The following CTNNA3 variants were observed in gnomAD, a reference collection of about 807,000 sequenced individuals.
CTNNA3 encodes the protein catenin alpha 3.
A neutral mutation model predicts 95.7 loss-of-function variants in CTNNA3; 76 were observed. That is an observed-to-expected ratio of 0.79 (90% CI 0.66 to 0.96). The LOEUF is 0.96. Ranked by LOEUF, CTNNA3 falls within the 40% of genes least tolerant of loss-of-function variation. The pLI, the probability that CTNNA3 is intolerant of heterozygous loss-of-function variation, is 0.00. For missense variants in CTNNA3, 1,191 were observed against 1,089.8 expected, an observed-to-expected ratio of 1.09 and a Z score of -1.31; for synonymous variants, 431 against 374.4, an observed-to-expected ratio of 1.15 and a Z score of -1.74.
At chr10:66,566,907 G>C (rs1364189237) in intron 10 of CTNNA3, among the ~76,000 whole-genome samples, 2 of 150,824 alleles carry the variant, frequency 1.3e-5, no homozygotes, top group Non-Finnish European at 3.0e-5. Flanking sequence ...ACAAAGAGAG[G>C]GAGAGAAAAA....
At chr10:66,614,434 A>T (rs1475083777) in intron 10 of CTNNA3, among the ~76,000 whole-genome samples, 1 of 152,006 alleles carries the variant, frequency 6.6e-6, no homozygotes, top group Non-Finnish European at 1.5e-5. Flanking sequence ...ATCCTCATGG[A>T]GTTTATGGCT....
chr10:66,158,914 G>A (rs1447838687), intron 13 of CTNNA3, among the ~76,000 whole-genome samples: 6 of 150,828 alleles, frequency 4.0e-5, no homozygotes, highest in Non-Finnish European at 7.4e-5. Flanking sequence ...TTATTTTTTT[G>A]CAGCTACTGT....
At chr10:66,924,662 T>A (rs1167635666) in intron 7 of CTNNA3, among the ~76,000 whole-genome samples, 2 of 152,226 alleles carry the variant, frequency 1.3e-5, no homozygotes, top group Non-Finnish European at 2.9e-5. Flanking sequence ...AAGGTCAGTA[T>A]AGTCAATATT....
chr10:67,366,904 TTTG>T (rs1007331658), intron 5 of CTNNA3, among the ~76,000 whole-genome samples: 10 of 152,020 alleles, frequency 6.6e-5, no homozygotes, highest in Non-Finnish European at 1.5e-4. Context: ...GAGAAATAAA[TTTG>T]TTGTTTAGGT....
At chr10:66,616,781 A>G (rs1051512476) in intron 10 of CTNNA3, among the ~76,000 whole-genome samples, 3 of 152,042 alleles carry the variant, frequency 2.0e-5, no homozygotes, top group African/African-American at 7.2e-5. Flanking sequence ...AAATCAATCT[A>G]GCCTATGAAT....
At position 66,287,778 on chromosome 10, in the gene CTNNA3, A is replaced by T. The variant is rs1294282096; in HGVS notation, c.1733-7157T>A. Among the ~76,000 whole-genome samples, 5 of 152,096 alleles carry T rather than the reference A, an allele frequency of 3.3e-5. No homozygotes were observed. The East Asian group carries it at 9.6e-4, about 29-fold the overall frequency. On this transcript the variant is annotated intron_variant, in intron 12 of 17. Transcript: ENST00000433211. ...AGTGAATGATGGCATTATTTCAGAC[A>T]TTCAAGTACACAGAATATTTAATTT...
At chr10:66,444,468 T>C (rs12763141) in intron 11 of CTNNA3, among the ~76,000 whole-genome samples, 30,881 of 152,082 alleles carry the variant, frequency 0.2, 3,483 homozygotes, top group South Asian at 0.3. Context: ...AGACTAACAG[T>C]AGATCTCTTG....
intron 11 of CTNNA3, among the ~76,000 whole-genome samples, chr10:66,396,052 C>T (rs187011271): frequency 1.7e-4 from 26 of 152,016 alleles, no homozygotes; most frequent in African/African-American, 6.3e-4. Flanking sequence ...TTTTCTGTTT[C>T]TCAGTTATTT....
At chr10:67,390,584 C>T (rs1844424481) in intron 5 of CTNNA3, among the ~76,000 whole-genome samples, 1 of 151,248 alleles carries the variant, frequency 6.6e-6, no homozygotes, top group African/African-American at 2.4e-5. Flanking sequence ...ATACCAAAGC[C>T]TGGCAGAGAC....
chr10:66,312,331 A>G (rs1381794307), intron 12 of CTNNA3, among the ~76,000 whole-genome samples: 1 of 152,160 alleles, frequency 6.6e-6, no homozygotes, highest in Non-Finnish European at 1.5e-5. Context: ...TATCAAGTAC[A>G]TGCCTAACTT....
intron 11 of CTNNA3, among the ~76,000 whole-genome samples, chr10:66,478,205 TA>T (rs1839393315): frequency 6.6e-6 from 1 of 152,072 alleles, no homozygotes; most frequent in South Asian, 2.1e-4. Flanking sequence ...AGATGCAGGC[TA>T]AGAATGATCT....
intron 9 of CTNNA3, among the ~76,000 whole-genome samples, chr10:66,676,525 T>G (rs1468479257): frequency 4.6e-5 from 7 of 152,108 alleles, no homozygotes; most frequent in Non-Finnish European, 1.5e-5. Flanking sequence ...TACTTTCATT[T>G]GTGACTGCAG....
chr10:66,593,865 C>G (rs186356186), intron 10 of CTNNA3, among the ~76,000 whole-genome samples: 1 of 152,182 alleles, frequency 6.6e-6, no homozygotes, highest in African/African-American at 2.4e-5. Flanking sequence ...TACTCCTTCC[C>G]TGATAGCTGA....
chr10:66,108,684 T>C (rs771135282), intron 13 of CTNNA3, among the ~76,000 whole-genome samples: 10 of 152,176 alleles, frequency 6.6e-5, no homozygotes, highest in Non-Finnish European at 1.2e-4. Flanking sequence ...ATAGGGATGT[T>C]GTTTGTCTTG....
intron 3 of CTNNA3, among the ~76,000 whole-genome samples, chr10:67,572,718 T>C (rs1402138105): frequency 2.0e-5 from 3 of 152,180 alleles, no homozygotes; most frequent in Non-Finnish European, 4.4e-5. Flanking sequence ...GTTACCTAAG[T>C]GCTAAACAAC....
At chr10:67,222,361 G>T (rs2132272439) in intron 5 of CTNNA3, among the ~76,000 whole-genome samples, 1 of 152,262 alleles carries the variant, frequency 6.6e-6, no homozygotes, top group Admixed American at 6.5e-5. Flanking sequence ...TCTGTCATTA[G>T]CACTGTGAGC....
intron 13 of CTNNA3, among the ~76,000 whole-genome samples, chr10:66,112,619 C>A (rs1328493799): frequency 6.6e-6 from 1 of 152,016 alleles, no homozygotes; most frequent in Non-Finnish European, 1.5e-5. Flanking sequence ...TTTGGAGCAG[C>A]AACTCCTCAT....
intron 16 of CTNNA3, among the ~76,000 whole-genome samples, chr10:65,983,845 A>G (rs910000266): frequency 2.0e-5 from 3 of 151,412 alleles, no homozygotes; most frequent in Admixed American, 6.6e-5. Flanking sequence ...ACACACAATA[A>G]ATATTCTCTC....
intron 12 of CTNNA3, among the ~76,000 whole-genome samples, chr10:66,342,659 A>C (rs1054636120): frequency 6.6e-6 from 1 of 152,064 alleles, no homozygotes; most frequent in Non-Finnish European, 1.5e-5. Context: ...TAAGGAAAGA[A>C]ATTAGTTTTG....
Sources: gnomAD v4.1 joint callset for allele counts (sites outside exome capture counted in the v4.1 genomes callset) on GRCh38, gnomAD v4.1.1 for gene constraint, MANE v1.5 for transcripts, NCBI Gene and HGNC (gene_info 2026-07-23, HGNC 2026-07-21) for gene names.